The following EPS15L1 variants were observed in gnomAD, a reference collection of about 807,000 sequenced individuals.
EPS15L1 encodes epidermal growth factor receptor substrate 15-like 1.
A neutral mutation model predicts 117.1 loss-of-function variants in EPS15L1; 43 were observed. The observed-to-expected ratio is 0.37, with a 90% CI of 0.29 to 0.47. The LOEUF (loss-of-function observed/expected upper bound fraction) is 0.47. Ranked by LOEUF, EPS15L1 falls within the 20% of genes least tolerant of loss-of-function variation. The probability of loss-of-function intolerance (pLI) is 0.99; values close to 1 mark genes in which losing one functional copy is unlikely to be tolerated. For synonymous variants in EPS15L1, 459 were observed against 470.5 expected (o/e 0.98, Z 0.32); for missense variants, 981 against 1,164.0 (o/e 0.84, Z 2.29).
At chr19:16,394,142 T>C in intron 17 of EPS15L1, 141 bp from the exon 18 acceptor site, 1 of 734,274 alleles carries the variant, frequency 1.4e-6, no homozygotes, top group East Asian at 2.6e-5. Context: ...GTTCCTTCTC[T>C]ACTATCCACC....
chr19:16,395,239 A>G, intron 17 of EPS15L1, 105 bp downstream of exon 17: 2 of 1,099,850 alleles, frequency 1.8e-6, no homozygotes, highest in Non-Finnish European at 2.6e-6. Flanking sequence ...TTCCCCCTCC[A>G]TTTCAGATTG....
chr19:16,378,497 AGCTCTCCCAGG>A (rs983426306), intron 21 of EPS15L1, among the ~76,000 whole-genome samples: 2 of 151,866 alleles, frequency 1.3e-5, no homozygotes, highest in African/African-American at 4.8e-5. Context: ...CGTCCCCCAG[AGCTCTCCCAGG>A]GCTCTCCCTG....
chr19:16,446,081 G>C (rs2093080304), intron 1 of EPS15L1, among the ~76,000 whole-genome samples: 1 of 152,172 alleles, frequency 6.6e-6, no homozygotes, highest in Non-Finnish European at 1.5e-5. Flanking sequence ...TTTACAAGTG[G>C]GATGACAGAG....
intron 1 of EPS15L1, among the ~76,000 whole-genome samples, chr19:16,470,386 C>CAA (rs1046298705): frequency 1.4e-5 from 2 of 141,360 alleles, no homozygotes; most frequent in Non-Finnish European, 1.6e-5. Flanking sequence ...TACTCCATCT[C>CAA]AAAAAAAAAA....
At chr19:16,395,196 G>A (rs559645584) in intron 17 of EPS15L1, 148 bp downstream of exon 17, 26 of 721,970 alleles carry the variant, frequency 3.6e-5, no homozygotes, top group East Asian at 1.5e-4. Flanking sequence ...GCGAGAGTTC[G>A]TCTCCAAAAA....
intron 1 of EPS15L1, among the ~76,000 whole-genome samples, chr19:16,446,405 C>T (rs1307006103): frequency 6.6e-6 from 1 of 152,188 alleles, no homozygotes; most frequent in African/African-American, 2.4e-5. Flanking sequence ...GCAAAACAAA[C>T]CAATGATCAT....
At chr19:16,441,107 C>A in intron 3 of EPS15L1, 198 bp from the exon 4 acceptor site, 2 of 624,664 alleles carry the variant, frequency 3.2e-6, no homozygotes, top group Admixed American at 2.6e-5. Flanking sequence ...AGCGGCAGGG[C>A]CCAGAGGACA....
chr19:16,390,163 T>C (rs183802211), intron 19 of EPS15L1, among the ~76,000 whole-genome samples: 11 of 151,532 alleles, frequency 7.3e-5, no homozygotes, highest in African/African-American at 1.5e-4. Context: ...TCCAGGTAAG[T>C]TGAAAGTAAA....
At chr19:16,375,173 G>A (rs2092278684) in intron 22 of EPS15L1, among the ~76,000 whole-genome samples, 2 of 152,224 alleles carry the variant, frequency 1.3e-5, no homozygotes, top group Non-Finnish European at 2.9e-5. Context: ...GGGGTGCATG[G>A]GAGAGTGCGT....
rs137911389 is a variant in EPS15L1 at position 16,361,836 on chromosome 19, G to A, written c.2529C>T (p.Pro843=). 223 of 1,614,030 alleles carry A rather than the reference G, an allele frequency of 1.4e-4. 3 individuals carry two copies. In the African/African-American group the frequency reaches 2.3e-3, roughly 16 times the overall value. The change falls in exon 23 of 24, where the codon CCC becomes CCT. Residue 843 remains proline, a synonymous_variant. Coordinates refer to ENST00000455140, the MANE Select transcript of EPS15L1 (RefSeq NM_001258374.3). ...CCTTAGAAGGTTTAGCTGCAGAGGA[G>A]GGGACAAATGGGTCTTTTCCACTAA... ...DPFSGKDPFV[P]SSAAKPSKAS... is the part of the protein sequence containing the mutation.
intron 6 of EPS15L1, among the ~76,000 whole-genome samples, chr19:16,436,292 G>A (rs994193496): frequency 6.6e-6 from 1 of 152,194 alleles, no homozygotes; most frequent in African/African-American, 2.4e-5. Flanking sequence ...GTGAAGGGAA[G>A]GTGAGGAGGC....
intron 10 of EPS15L1, among the ~76,000 whole-genome samples, chr19:16,419,287 C>T (rs2092791612): frequency 2.6e-5 from 4 of 152,086 alleles, no homozygotes; most frequent in African/African-American, 2.4e-5. Flanking sequence ...GGGGAAATCC[C>T]GCCTCTACTA....
At chr19:16,385,637 G>T (rs2092412490) in intron 20 of EPS15L1, among the ~76,000 whole-genome samples, 1 of 152,128 alleles carries the variant, frequency 6.6e-6, no homozygotes, top group Non-Finnish European at 1.5e-5. Flanking sequence ...TAGAGTACTG[G>T]ATACACTCGC....
intron 20 of EPS15L1, among the ~76,000 whole-genome samples, chr19:16,385,569 G>A (rs1048726315): frequency 1.3e-5 from 2 of 152,208 alleles, no homozygotes. Flanking sequence ...ATACAGGGTG[G>A]TGTCTTTGGA....
chr19:16,460,592 G>A (rs2093239231), intron 1 of EPS15L1, among the ~76,000 whole-genome samples: 1 of 152,200 alleles, frequency 6.6e-6, no homozygotes, highest in Non-Finnish European at 1.5e-5. Flanking sequence ...TTTGCACCCT[G>A]GTGATGGACA....
intron 4 of EPS15L1, among the ~76,000 whole-genome samples, chr19:16,438,445 T>G (rs996680059): frequency 6.6e-6 from 1 of 152,202 alleles, no homozygotes; most frequent in African/African-American, 2.4e-5. Flanking sequence ...CCAAAAACTA[T>G]GAGCTCCCAA....
chr19:16,469,304 G>A (rs1179647962), intron 1 of EPS15L1, among the ~76,000 whole-genome samples: 1 of 152,120 alleles, frequency 6.6e-6, no homozygotes, highest in Non-Finnish European at 1.5e-5. Flanking sequence ...AAAGGAGAGA[G>A]GATGAAGAGT....
chr19:16,359,432 G>A (rs1361712741), intron 23 of EPS15L1, among the ~76,000 whole-genome samples: 3 of 152,106 alleles, frequency 2.0e-5, no homozygotes, highest in Non-Finnish European at 2.9e-5. Context: ...ACAATGATAC[G>A]ACCCAAGGGG....
intron 22 of EPS15L1, among the ~76,000 whole-genome samples, chr19:16,374,103 G>A (rs1344029533): frequency 6.6e-6 from 1 of 152,138 alleles, no homozygotes; most frequent in African/African-American, 2.4e-5. Context: ...CTCCTGTCTT[G>A]GGGCAGGAGG....
Sources: allele counts gnomAD v4.1 joint callset (sites outside exome capture counted in the v4.1 genomes callset), GRCh38; gene constraint gnomAD v4.1.1; transcripts MANE v1.5; gene names NCBI Gene and HGNC (gene_info 2026-07-23, HGNC 2026-07-21).